RASGRF2: variants seen among roughly 807,000 people sequenced by gnomAD.
RASGRF2 encodes the protein ras-specific guanine nucleotide-releasing factor 2.
In RASGRF2, 76 loss-of-function variants were observed where a neutral mutation model predicts 151.0. That is an observed-to-expected ratio of 0.50 (90% CI 0.42 to 0.61). The LOEUF (loss-of-function observed/expected upper bound fraction) is 0.61, where lower values mean the gene tolerates loss of function less well. RASGRF2 is among the 20% of genes least tolerant of loss of function. RASGRF2 has a pLI of 0.00. For synonymous variants in RASGRF2, 504 were observed against 566.5 expected (o/e 0.89, Z 1.57); for missense variants, 1,148 against 1,564.6 (o/e 0.73, Z 4.49).
intron 23 of RASGRF2, among the ~76,000 whole-genome samples, chr5:81,212,785 CA>C (rs1337479116): frequency 6.6e-6 from 1 of 152,162 alleles, no homozygotes. Context: ...GGGACAGCCA[CA>C]AACAATGTGG....
chr5:81,041,804 G>A (rs1750686041), intron 1 of RASGRF2, among the ~76,000 whole-genome samples: 1 of 152,132 alleles, frequency 6.6e-6, no homozygotes, highest in Admixed American at 6.6e-5. Context: ...TAATCAGTAT[G>A]TAGAACCATT....
rs575356729 is a variant in RASGRF2, at chr5:81,013,622, T to C, written c.289-29255T>C. ...ATATATATATATATATGTTATGCTA[T>C]GTATTATGTTGTGTATGTGTATATA... is the stretch of plus-strand genomic sequence containing the variant. On this transcript the variant is annotated intron_variant, in intron 1 of 26. Transcript: ENST00000265080. 2.0e-5 allele frequency among the ~76,000 whole-genome samples: 3 copies of C among 151,730 alleles called. No individual in the cohort carries two copies. The South Asian group carries it at 6.2e-4, about 31-fold the overall frequency.
Position 81,227,375 on chromosome 5 carries a change from A to G in RASGRF2, c.*1605A>G, listed in dbSNP as rs1003349788. The stretch of plus-strand genomic sequence containing the variant: ...AAATATCAACTAAGTAAAAGAAAAT[A>G]TAATATTTGAAGACCATTCCCAAAA... On this transcript the variant is annotated 3_prime_UTR_variant, in exon 27 of 27. Transcript: ENST00000265080. 4 of 152,252 alleles carry G rather than the reference A, an allele frequency of 2.6e-5. No individual in the cohort carries two copies. The highest frequency in any genetic ancestry group is 4.4e-5 in the Non-Finnish European group (3 of 68,044). 9.4% of individuals were successfully genotyped at this position (152,252 alleles called of 1,614,324 possible). A position where few individuals can be genotyped will look rare whatever the true frequency, so the allele number is the denominator to read the frequency against.
Position 81,180,269 on chromosome 5 carries a change from A to G in RASGRF2, c.2781A>G (p.Ser927=), listed in dbSNP as rs1177929944. The G allele has an allele frequency of 6.2e-7, 1 of 1,604,036 alleles. No individual in the cohort carries two copies. The highest frequency in any genetic ancestry group is 8.5e-7 in the Non-Finnish European group (1 of 1,170,988). Residue 927 remains serine (S), a synonymous_variant, in exon 18 of 27, where the codon TCA becomes TCG. Transcript: ENST00000265080. ...TGAACGTCCTCCGTCACTGGGTCTC[A>G]AAGCACGCACAGGTAAGTCAGTGCC... The part of the protein sequence containing the change: ...RVLNVLRHWV[S]KHAQDFELNN...
chr5:81,216,501 C>T (rs546228188), intron 24 of RASGRF2, among the ~76,000 whole-genome samples: 1 of 152,048 alleles, frequency 6.6e-6, no homozygotes, highest in African/African-American at 2.4e-5. Context: ...TGAGTGAAAG[C>T]AAGACTAAGA....
intron 2 of RASGRF2, among the ~76,000 whole-genome samples, chr5:81,061,176 C>A (rs187688396): frequency 3.3e-5 from 5 of 151,966 alleles, no homozygotes; most frequent in Non-Finnish European, 7.4e-5. Context: ...CTTATTTAAC[C>A]AATCCCATAT....
intron 15 of RASGRF2, among the ~76,000 whole-genome samples, chr5:81,115,605 T>TTTTTATATTG (rs1753129995): frequency 6.6e-6 from 1 of 152,218 alleles, no homozygotes; most frequent in South Asian, 2.1e-4. Flanking sequence ...TCTTTCTCTC[T>TTTTTATATTG]TTTTATTTTG....
rs144120519 is a variant in RASGRF2, at chr5:81,093,285, A to G, written c.1551+324A>G. On this transcript the variant is annotated intron_variant, in intron 10 of 26. Transcript: ENST00000265080. ...AGTTGACAACTACTGAGCTACAAAAATCTTCTCAAATCACTACAATGTACC... is the reference window on the plus strand; with the variant it reads ...AGTTGACAACTACTGAGCTACAAAAGTCTTCTCAAATCACTACAATGTACC... 2.1e-4 allele frequency among the ~76,000 whole-genome samples: 32 copies of G among 152,364 alleles called. No homozygotes were observed. The East Asian group carries it at 6.0e-3, about 28-fold the overall frequency.
chr5:81,170,886 C>T (rs1243971032), intron 17 of RASGRF2, among the ~76,000 whole-genome samples: 1 of 152,142 alleles, frequency 6.6e-6, no homozygotes, highest in Non-Finnish European at 1.5e-5. Context: ...TTGATTGGCA[C>T]AAAAATGCTC....
chr5:81,004,158 C>T (rs944568419), intron 1 of RASGRF2, among the ~76,000 whole-genome samples: 16 of 152,212 alleles, frequency 1.1e-4, no homozygotes, highest in African/African-American at 3.9e-4. Flanking sequence ...TGATCACAGC[C>T]TAAGAGCATG....
chr5:81,149,026 C>T (rs1754069960), intron 17 of RASGRF2, among the ~76,000 whole-genome samples: 1 of 152,118 alleles, frequency 6.6e-6, no homozygotes. Context: ...GAAAAGGGGA[C>T]TCTTACACTG....
At chr5:81,057,766 C>T (rs1044194163) in intron 2 of RASGRF2, among the ~76,000 whole-genome samples, 1 of 151,980 alleles carries the variant, frequency 6.6e-6, no homozygotes, top group Admixed American at 6.6e-5. Context: ...AAGCCGAGGC[C>T]AGTGGATCAC....
At chr5:81,180,328 T>C (rs1207863337) in intron 18 of RASGRF2, 47 bp downstream of exon 18, 2 of 1,213,548 alleles carry the variant, frequency 1.6e-6, no homozygotes, top group Admixed American at 1.7e-5. Flanking sequence ...TTTTAAAAAA[T>C]CATCTTTTTA....
At chr5:81,048,637 G>A (rs866908097) in intron 2 of RASGRF2, among the ~76,000 whole-genome samples, 5 of 152,158 alleles carry the variant, frequency 3.3e-5, no homozygotes, top group African/African-American at 9.6e-5. Context: ...CAGGTGCCCC[G>A]TCCTCATGCG....
chr5:81,213,482 T>G lies in RASGRF2; in HGVS notation c.3354+919T>G, dbSNP rs540161636. Among the ~76,000 whole-genome samples, 72 of 152,282 alleles carry G rather than the reference T, an allele frequency of 4.7e-4. No individual in the cohort carries two copies. The South Asian group carries it at 0.014, about 30-fold the overall frequency. ...CCTTGCTGTGAACACCCAGAGTTGG[T>G]GAGGGGAATCTACAGAGTGCCACCT... On this transcript the variant is annotated intron_variant, in intron 23 of 26. Transcript: ENST00000265080.
rs1756054599 is a variant in RASGRF2 at position 81,228,910 on chromosome 5, C to G, written c.*3140C>G. On this transcript the variant is annotated 3_prime_UTR_variant, in exon 27 of 27. Transcript: ENST00000265080. Reference sequence around the variant, plus strand: ...TTAAATTTCAGTACGTCTTAAAGTACTACTTATAAACAAATGAAACTCAGA... The same window carrying G: ...TTAAATTTCAGTACGTCTTAAAGTAGTACTTATAAACAAATGAAACTCAGA... 1 of 152,170 alleles carries G rather than the reference C, an allele frequency of 6.6e-6. No individual in the cohort carries two copies. The highest frequency in any genetic ancestry group is 6.5e-5 in the Admixed American group (1 of 15,280). The allele number at this position is 152,170 out of a possible 1,614,324, so 9.4% of individuals were successfully genotyped here. A position where few individuals can be genotyped will look rare whatever the true frequency, so the allele number is the denominator to read the frequency against.
chr5:81,112,280 C>T (rs892424399), intron 13 of RASGRF2, among the ~76,000 whole-genome samples: 3 of 152,044 alleles, frequency 2.0e-5, no homozygotes, highest in African/African-American at 7.2e-5. Context: ...TTTTAAAATA[C>T]AGGATAACGT....
At chr5:81,105,402 G>A (rs1422586028) in intron 12 of RASGRF2, among the ~76,000 whole-genome samples, 1 of 152,104 alleles carries the variant, frequency 6.6e-6, no homozygotes, top group African/African-American at 2.4e-5. Context: ...GCCACCTCCA[G>A]CGCCCGTCCC....
At chr5:81,150,996 A>C (rs867237645) in intron 17 of RASGRF2, among the ~76,000 whole-genome samples, 15 of 152,230 alleles carry the variant, frequency 9.9e-5, no homozygotes, top group African/African-American at 3.1e-4. Flanking sequence ...AGTCTGAGAA[A>C]TGTTAGTGTA....
Sources: allele counts gnomAD v4.1 joint callset (sites outside exome capture counted in the v4.1 genomes callset), GRCh38; gene constraint gnomAD v4.1.1; transcripts MANE v1.5; gene names NCBI Gene and HGNC (gene_info 2026-07-23, HGNC 2026-07-21).